CTNNA3: variants seen among roughly 807,000 people sequenced by gnomAD.
CTNNA3 encodes the protein catenin alpha 3, also known as catenin alpha-3.
A neutral mutation model predicts 95.7 loss-of-function variants in CTNNA3; 76 were observed. That is an observed-to-expected ratio of 0.79 (90% confidence interval 0.66 to 0.96). CTNNA3 has a LOEUF of 0.96. Among genes scored for constraint, CTNNA3 ranks in the 40% least tolerant of loss-of-function variants. CTNNA3 has a pLI of 0.00. For synonymous variants in CTNNA3, 431 were observed against 374.4 expected (o/e 1.15, Z -1.74); for missense variants, 1,191 against 1,089.8 (o/e 1.09, Z -1.31).
intron 13 of CTNNA3, among the ~76,000 whole-genome samples, chr10:66,176,883 C>G (rs1192635338): frequency 6.6e-6 from 1 of 151,830 alleles, no homozygotes; most frequent in African/African-American, 2.4e-5. Context: ...CTTACATAAA[C>G]CCTGTTCTGA....
At chr10:66,334,666 T>A (rs1333359660) in intron 12 of CTNNA3, among the ~76,000 whole-genome samples, 1 of 152,008 alleles carries the variant, frequency 6.6e-6, no homozygotes, top group Non-Finnish European at 1.5e-5. Flanking sequence ...GCCCTTAACA[T>A]TTTTTCCTTC....
At chr10:67,456,701 C>T (rs11813987) in intron 5 of CTNNA3, among the ~76,000 whole-genome samples, 1 of 152,102 alleles carries the variant, frequency 6.6e-6, no homozygotes, top group South Asian at 2.1e-4. Flanking sequence ...CAGGCCCCAA[C>T]TTATAATCAA....
intron 7 of CTNNA3, among the ~76,000 whole-genome samples, chr10:66,848,693 A>G (rs562162578): frequency 6.6e-6 from 1 of 152,290 alleles, no homozygotes; most frequent in African/African-American, 2.4e-5. Flanking sequence ...ATGTACAGTA[A>G]TTTAGTACTT....
At chr10:66,494,227 G>A (rs1423129740) in intron 11 of CTNNA3, among the ~76,000 whole-genome samples, 1 of 152,088 alleles carries the variant, frequency 6.6e-6, no homozygotes, top group Admixed American at 6.5e-5. Flanking sequence ...TATTATTAAT[G>A]CAAAAAGTCC....
chr10:66,771,323 A>C (rs1323495794), intron 8 of CTNNA3, among the ~76,000 whole-genome samples: 1 of 152,176 alleles, frequency 6.6e-6, no homozygotes, highest in African/African-American at 2.4e-5. Context: ...TAGAAATAAG[A>C]TATATTTGTT....
intron 13 of CTNNA3, among the ~76,000 whole-genome samples, chr10:66,277,787 T>G (rs1259807500): frequency 6.6e-6 from 1 of 152,066 alleles, no homozygotes; most frequent in Non-Finnish European, 1.5e-5. Context: ...TTTTATTTGC[T>G]TTATCTTTTT....
chr10:67,253,634 C>T (rs1866201758), intron 5 of CTNNA3, among the ~76,000 whole-genome samples: 1 of 152,166 alleles, frequency 6.6e-6, no homozygotes, highest in South Asian at 2.1e-4. Flanking sequence ...GGGGATTCAA[C>T]TGTTGGGAGT....
At chr10:67,742,793 G>C (rs1417679364) in intron 1 of CTNNA3, among the ~76,000 whole-genome samples, 23 of 151,102 alleles carry the variant, frequency 1.5e-4, no homozygotes, top group Admixed American at 2.7e-4. Context: ...GAATCAAATA[G>C]ACGCAATAAA....
intron 15 of CTNNA3, among the ~76,000 whole-genome samples, chr10:66,004,394 T>C (rs1178330319): frequency 6.6e-6 from 1 of 152,160 alleles, no homozygotes; most frequent in Non-Finnish European, 1.5e-5. Flanking sequence ...TCTTTTCCTT[T>C]TTTTCCCATC....
intron 15 of CTNNA3, among the ~76,000 whole-genome samples, chr10:66,005,188 T>C (rs2078855227): frequency 1.3e-5 from 2 of 152,286 alleles, no homozygotes; most frequent in East Asian, 1.9e-4. Context: ...ACTCCTATAA[T>C]ATCATTGGAC....
intron 5 of CTNNA3, among the ~76,000 whole-genome samples, chr10:67,492,338 G>A (rs1263049526): frequency 9.9e-6 from 1 of 101,212 alleles, no homozygotes; most frequent in African/African-American, 3.9e-5. Flanking sequence ...CATAATAACA[G>A]TGTTTGTGCA....
intron 11 of CTNNA3, among the ~76,000 whole-genome samples, chr10:66,464,116 G>T (rs1006503386): frequency 6.6e-6 from 1 of 151,934 alleles, no homozygotes; most frequent in African/African-American, 2.4e-5. Flanking sequence ...AAGTATGTTC[G>T]TTAGGCAAAA....
intron 10 of CTNNA3, among the ~76,000 whole-genome samples, chr10:66,547,667 T>G (rs1467629608): frequency 6.6e-6 from 1 of 151,942 alleles, no homozygotes; most frequent in Non-Finnish European, 1.5e-5. Flanking sequence ...AAACTTCTTA[T>G]TAATTTGTGA....
At chr10:67,128,097 C>A (rs1331401518) in intron 7 of CTNNA3, among the ~76,000 whole-genome samples, 1 of 152,052 alleles carries the variant, frequency 6.6e-6, no homozygotes, top group Non-Finnish European at 1.5e-5. Context: ...AATTAATGTT[C>A]AAGTTTTATA....
chr10:66,188,976 T>C (rs2086500679), intron 13 of CTNNA3, among the ~76,000 whole-genome samples: 3 of 152,138 alleles, frequency 2.0e-5, no homozygotes, highest in South Asian at 2.1e-4. Flanking sequence ...CCCTGATCAT[T>C]AGTGATCTTG....
At chr10:66,998,009 C>CGCCA (rs1213076870) in intron 7 of CTNNA3, among the ~76,000 whole-genome samples, 1 of 152,190 alleles carries the variant, frequency 6.6e-6, no homozygotes, top group Non-Finnish European at 1.5e-5. Context: ...TCTAACTGGC[C>CGCCA]TCCCTGCCCA....
chr10:67,684,547 T>C (rs1238655256), intron 1 of CTNNA3, among the ~76,000 whole-genome samples: 1 of 152,158 alleles, frequency 6.6e-6, no homozygotes, highest in Non-Finnish European at 1.5e-5. Flanking sequence ...CCCCAACTGC[T>C]TTTGGGAATT....
intron 7 of CTNNA3, among the ~76,000 whole-genome samples, chr10:67,130,110 A>G (rs1292321279): frequency 6.6e-6 from 1 of 152,054 alleles, no homozygotes; most frequent in Non-Finnish European, 1.5e-5. Context: ...ACCCATCACC[A>G]TTCCTTTAAA....
chr10:66,577,092 A>C (rs747746486), intron 10 of CTNNA3, among the ~76,000 whole-genome samples: 1 of 150,530 alleles, frequency 6.6e-6, no homozygotes, highest in Non-Finnish European at 1.5e-5. Context: ...CATAATGAAC[A>C]TTTTTTCACG....
Sources: allele counts gnomAD v4.1 joint callset (sites outside exome capture counted in the v4.1 genomes callset), GRCh38; gene constraint gnomAD v4.1.1; transcripts MANE v1.5; gene names NCBI Gene and HGNC (gene_info 2026-07-23, HGNC 2026-07-21).